IGF1R: variants seen among roughly 807,000 people sequenced by gnomAD.
IGF1R encodes insulin-like growth factor 1 receptor.
In IGF1R, 44 loss-of-function variants were observed where a neutral mutation model predicts 144.6. The observed-to-expected ratio is 0.30, with a 90% CI of 0.24 to 0.39. The LOEUF (loss-of-function observed/expected upper bound fraction) is 0.39, where lower values mean the gene tolerates loss of function less well. Ranked by LOEUF, IGF1R falls within the 10% of genes least tolerant of loss-of-function variation. The pLI, the probability that IGF1R is intolerant of heterozygous loss-of-function variation, is 1.00. For synonymous variants in IGF1R, 795 were observed against 722.8 expected (o/e 1.10, Z -1.60); for missense variants, 1,355 against 1,833.7 (o/e 0.74, Z 4.77).
chr15:98,652,511 G>A (rs890477476), intron 1 of IGF1R, among the ~76,000 whole-genome samples: 1 of 152,232 alleles, frequency 6.6e-6, no homozygotes, highest in South Asian at 2.1e-4. Flanking sequence ...TTTTGTGGAA[G>A]GGTGGGGTTT....
intron 2 of IGF1R, among the ~76,000 whole-genome samples, chr15:98,792,892 C>T (rs2056157946): frequency 6.6e-6 from 1 of 152,200 alleles, no homozygotes; most frequent in Admixed American, 6.5e-5. Flanking sequence ...GTTTAACAGG[C>T]TTCTGAACTG....
intron 2 of IGF1R, among the ~76,000 whole-genome samples, chr15:98,819,337 T>C (rs1408797899): frequency 6.6e-6 from 1 of 152,188 alleles, no homozygotes; most frequent in East Asian, 1.9e-4. Context: ...GTTGCCCCAG[T>C]AATCTATGCA....
chr15:98,882,574 C>T (rs1318624837), intron 2 of IGF1R, among the ~76,000 whole-genome samples: 4 of 152,172 alleles, frequency 2.6e-5, no homozygotes, highest in Admixed American at 2.6e-4. Context: ...GATGTCATGG[C>T]CCTAGGAGCT....
At position 98,835,080 on chromosome 15, in the gene IGF1R, T is replaced by TACACACACACACACACACACAC. The variant is rs34443123; in HGVS notation, c.641-56236_641-56215dup. ...GGCCAGGGCAAGAGAACACCCCCCCTACACACACACACACACACACACACA... is the reference window on the plus strand; with the variant it reads ...GGCCAGGGCAAGAGAACACCCCCCCTACACACACACACACACACACACACACACACACACACACACACACACA... On this transcript the variant is annotated intron_variant, in intron 2 of 20. Coordinates refer to ENST00000650285, the MANE Select transcript of IGF1R (RefSeq NM_000875.5). 1.0e-3 allele frequency among the ~76,000 whole-genome samples: 131 copies of TACACACACACACACACACACAC among 130,490 alleles called. 2 individuals are homozygous for TACACACACACACACACACACAC. Among genetic ancestry groups the TACACACACACACACACACACAC allele is most frequent in the African/African-American group, 3.8e-3 (116 of 30,770 alleles). The allele number at this position is 130,490 out of a possible 152,430, so 85.6% of individuals were successfully genotyped here.
At chr15:98,845,274 A>G (rs556184631) in intron 2 of IGF1R, among the ~76,000 whole-genome samples, 65 of 152,314 alleles carry the variant, frequency 4.3e-4, no homozygotes, top group African/African-American at 1.5e-3. Context: ...TGGATCAGAT[A>G]GGGCATGATA....
At chr15:98,665,360 C>T (rs1276318257) in intron 1 of IGF1R, among the ~76,000 whole-genome samples, 1 of 152,182 alleles carries the variant, frequency 6.6e-6, no homozygotes, top group Non-Finnish European at 1.5e-5. Flanking sequence ...CTGCATCTGC[C>T]TCCGTTTGAA....
At chr15:98,878,607 T>G (rs1371056444) in intron 2 of IGF1R, among the ~76,000 whole-genome samples, 4 of 133,818 alleles carry the variant, frequency 3.0e-5, no homozygotes, top group Non-Finnish European at 1.5e-5. Context: ...TGGGGAAGAG[T>G]TGCAAAATAG....
Position 98,934,921 on chromosome 15 carries a change from C to T in IGF1R, c.3054C>T (p.Ala1018=). Residue 1018 remains alanine, a synonymous_variant, in exon 16 of 21, where the codon GCC becomes GCT. Transcript: ENST00000650285. ...TTGGGATGGTCTATGAAGGAGTTGC[C>T]AAGGGTGTGGTGAAAGATGAACCTG... The part of the protein sequence containing the change: ...GSFGMVYEGV[A]KGVVKDEPET... The T allele has an allele frequency of 2.5e-6, 4 of 1,614,032 alleles. No individual in the cohort carries two copies. The highest frequency in any genetic ancestry group is 3.4e-6 in the Non-Finnish European group (4 of 1,180,014).
At chr15:98,823,563 C>A (rs2684765) in intron 2 of IGF1R, among the ~76,000 whole-genome samples, 1 of 152,122 alleles carries the variant, frequency 6.6e-6, no homozygotes, top group Non-Finnish European at 1.5e-5. Context: ...TCTACCAGTA[C>A]GGCCAAAACC....
At position 98,663,197 on chromosome 15, in the gene IGF1R, C is replaced by A. The variant is rs551774977; in HGVS notation, c.94+13522C>A. ...TCCTCGGTGTGAGGGGCTGGGTTGC[C>A]AGAGGAGCTGTGGGCTGGGGTGGTT... On this transcript the variant is annotated intron_variant, in intron 1 of 20. Transcript: ENST00000650285. Among the ~76,000 whole-genome samples the A allele has an allele frequency of 6.6e-5, 10 of 152,120 alleles. No homozygotes were observed. In the East Asian group the frequency reaches 1.6e-3, roughly 24 times the overall value.
chr15:98,886,106 C>T (rs1282876205), intron 2 of IGF1R, among the ~76,000 whole-genome samples: 1 of 152,172 alleles, frequency 6.6e-6, no homozygotes, highest in Non-Finnish European at 1.5e-5. Flanking sequence ...GCGTGAGCCA[C>T]CACGCCCAGC....
chr15:98,672,539 C>T (rs1307037348), intron 1 of IGF1R, among the ~76,000 whole-genome samples: 1 of 142,164 alleles, frequency 7.0e-6, no homozygotes, highest in African/African-American at 2.7e-5. Context: ...CATTGCACTC[C>T]AGCCTGAGTG....
At chr15:98,652,034 G>GGT (rs768152914) in intron 1 of IGF1R, among the ~76,000 whole-genome samples, 8 of 152,204 alleles carry the variant, frequency 5.3e-5, no homozygotes, top group Non-Finnish European at 1.2e-4. Flanking sequence ...ATAAAGACAG[G>GGT]GTGTTGGTTC....
At position 98,935,860 on chromosome 15, in the gene IGF1R, T is replaced by C. The variant is rs2016124916; in HGVS notation, c.3297+434T>C. Among the ~76,000 whole-genome samples, 1 of 152,232 alleles carries C rather than the reference T, an allele frequency of 6.6e-6. No homozygotes were observed. The highest frequency in any genetic ancestry group is 6.5e-5 in the Admixed American group (1 of 15,282). ...CTCGTTATGTTGTGTTGTGCTGTTG[T>C]TGGAGTGTGTCCCCCCTCCACCCCG... On this transcript the variant is annotated intron_variant, in intron 17 of 20. Coordinates refer to ENST00000650285, the MANE Select transcript of IGF1R (RefSeq NM_000875.5). The surrounding 1 kb of genome is among the most constrained non-coding windows in gnomAD (Gnocchi z 4.2).
intron 2 of IGF1R, among the ~76,000 whole-genome samples, chr15:98,840,471 A>G (rs2011154215): frequency 2.0e-5 from 3 of 152,136 alleles, no homozygotes; most frequent in Admixed American, 6.5e-5. Flanking sequence ...AGTTGTTAAG[A>G]TGGAGTCTCA....
At chr15:98,875,648 T>C (rs1167053100) in intron 2 of IGF1R, among the ~76,000 whole-genome samples, 1 of 152,172 alleles carries the variant, frequency 6.6e-6, no homozygotes, top group Non-Finnish European at 1.5e-5. Context: ...TTTGATTTTA[T>C]AGTTATTCTA....
chr15:98,888,717 A>T (rs1183454794), intron 2 of IGF1R, among the ~76,000 whole-genome samples: 1 of 152,126 alleles, frequency 6.6e-6, no homozygotes, highest in Non-Finnish European at 1.5e-5. Context: ...TTTCTTCTTC[A>T]CTTTAGAGAT....
Position 98,891,331 on chromosome 15 carries a change from C to G in IGF1R, c.647C>G (p.Pro216Arg), listed in dbSNP as rs2013901569. Reference sequence around the variant, plus strand: ...CTCTCCTCTCTCTCCACAGTGTGCCCAAGCACGTGTGGGAAGCGGGCGTGC... The same window carrying G: ...CTCTCCTCTCTCTCCACAGTGTGCCGAAGCACGTGTGGGAAGCGGGCGTGC... ...WTTNRCQKMCPSTCGKRACTE... is the reference protein window; with the variant it reads ...WTTNRCQKMCRSTCGKRACTE... The change falls in exon 3 of 21, where the codon CCA becomes CGA. Residue 216 changes from proline to arginine, a missense_variant. By Grantham distance (103) the Pro-to-Arg change is moderately radical (BLOSUM62 -2). Transcript: ENST00000650285. The surrounding 1 kb of genome is among the most constrained non-coding windows in gnomAD (Gnocchi z 4.7). The G allele has an allele frequency of 6.2e-7, 1 of 1,605,916 alleles. No individual in the cohort carries two copies. The highest frequency in any genetic ancestry group is 1.3e-5 in the African/African-American group (1 of 74,906).
In IGF1R at chr15:98,743,445, C is replaced by T. The variant is rs182377612; in HGVS notation, c.640+35338C>T. On this transcript the variant is annotated intron_variant, in intron 2 of 20. Coordinates refer to ENST00000650285, the MANE Select transcript of IGF1R (RefSeq NM_000875.5). ...ATTTGTGTAGAGTGGCATCTCTATA[C>T]AACTGTTCGACTAACTGTCGGAGAC... is the stretch of plus-strand genomic sequence containing the variant. 4.7e-4 allele frequency among the ~76,000 whole-genome samples: 72 copies of T among 152,290 alleles called. 1 individual carries two copies. The highest frequency in any genetic ancestry group is 1.7e-3 in the African/African-American group (72 of 41,552).
Sources: gnomAD v4.1 joint callset for allele counts (sites outside exome capture counted in the v4.1 genomes callset) on GRCh38, gnomAD v4.1.1 for gene constraint, Gnocchi (gnomAD v3.1) non-coding constraint, MANE v1.5 for transcripts, NCBI Gene and HGNC (gene_info 2026-07-23, HGNC 2026-07-21) for gene names.